CHST3: variants seen among roughly 807,000 people sequenced by gnomAD.
The protein encoded by CHST3 is carbohydrate sulfotransferase 3.
In CHST3, 20 loss-of-function variants were observed where a neutral mutation model predicts 35.4. That is an observed-to-expected ratio of 0.57 (90% confidence interval 0.40 to 0.82). CHST3 has a LOEUF of 0.82. Among genes scored for constraint, CHST3 ranks in the 40% least tolerant of loss-of-function variants. The pLI is 0.00. For missense variants in CHST3, 693 were observed against 670.1 expected (o/e 1.03, Z -0.38); for synonymous variants, 334 against 295.9 (o/e 1.13, Z -1.32).
In CHST3 at chr10:72,008,533, C is replaced by CGT; in HGVS notation, c.*62_*63insGT. ...GCCTGCCCCGTCTTTCTGCCGCAGCCCTCGCAGAGGGCGGGTGCACAGCGC... is the reference window on the plus strand; with the variant it reads ...GCCTGCCCCGTCTTTCTGCCGCAGCCGTCTCGCAGAGGGCGGGTGCACAGCGC... On this transcript the variant is annotated 3_prime_UTR_variant, in exon 3 of 3. Coordinates refer to ENST00000373115, the MANE Select transcript of CHST3 (RefSeq NM_004273.5). The CGT allele has an allele frequency of 1.4e-6, 2 of 1,454,526 alleles. No homozygotes were observed. The highest frequency in any genetic ancestry group is 1.8e-6 in the Non-Finnish European group (2 of 1,103,882). 90.1% of individuals were successfully genotyped at this position (1,454,526 alleles called of 1,614,324 possible).
At chr10:71,965,441 G>A (rs1369440339) in intron 1 of CHST3, among the ~76,000 whole-genome samples, 2 of 152,222 alleles carry the variant, frequency 1.3e-5, no homozygotes, top group African/African-American at 4.8e-5. Context: ...CCCCCCAGCG[G>A]ATGTGCTTCC....
chr10:71,988,142 C>A (rs1393112694), intron 1 of CHST3, among the ~76,000 whole-genome samples: 1 of 152,158 alleles, frequency 6.6e-6, no homozygotes, highest in Non-Finnish European at 1.5e-5. Flanking sequence ...CTCCAAACCC[C>A]ACAAATGAGC....
At position 72,008,281 on chromosome 10, in the gene CHST3, C is replaced by A; in HGVS notation, c.1250C>A (p.Thr417Lys). 6.3e-7 allele frequency: 1 copy of A among 1,585,730 alleles called. No individual in the cohort carries two copies. The highest frequency in any genetic ancestry group is 8.6e-7 in the Non-Finnish European group (1 of 1,166,586). ...AAHDGSGIYS[T>K]QKNSSEQFEK... ...CACGACGGCAGCGGCATCTACTCCACGCAGAAGAACTCCTCGGAGCAGTTC... is the reference window on the plus strand; with the variant it reads ...CACGACGGCAGCGGCATCTACTCCAAGCAGAAGAACTCCTCGGAGCAGTTC... The change falls in exon 3 of 3, where the codon ACG (threonine) becomes AAG (lysine). Residue 417 changes from threonine (T) to lysine (K), a missense_variant. Thr to Lys is a moderately conservative substitution (Grantham distance 78). Transcript: ENST00000373115.
At chr10:71,978,843 C>G (rs974815664) in intron 1 of CHST3, among the ~76,000 whole-genome samples, 1 of 152,222 alleles carries the variant, frequency 6.6e-6, no homozygotes, top group Non-Finnish European at 1.5e-5. Flanking sequence ...CTGCTCAGCA[C>G]AGCTCTGTGG....
intron 1 of CHST3, among the ~76,000 whole-genome samples, chr10:71,999,417 G>A (rs1401658788): frequency 6.6e-6 from 1 of 152,148 alleles, no homozygotes; most frequent in African/African-American, 2.4e-5. Flanking sequence ...ACTCTGCCTC[G>A]GAGCTACTCT....
chr10:71,971,258 C>T (rs940880705), intron 1 of CHST3, among the ~76,000 whole-genome samples: 9 of 152,124 alleles, frequency 5.9e-5, no homozygotes, highest in Non-Finnish European at 1.3e-4. Context: ...GGTTCTGGTT[C>T]CTGCTTTGTT....
chr10:71,982,148 G>T (rs1476038372), intron 1 of CHST3, among the ~76,000 whole-genome samples: 3 of 152,230 alleles, frequency 2.0e-5, no homozygotes, highest in African/African-American at 7.2e-5. Context: ...TAAGGATTTT[G>T]AGTTGAGAGA....
chr10:71,985,118 A>C (rs1412719603), intron 1 of CHST3, among the ~76,000 whole-genome samples: 1 of 152,218 alleles, frequency 6.6e-6, no homozygotes, highest in Non-Finnish European at 1.5e-5. Flanking sequence ...CCTCCCAGCC[A>C]GAGTGCCTGT....
At chr10:71,999,136 C>T (rs1459735207) in intron 1 of CHST3, among the ~76,000 whole-genome samples, 1 of 152,200 alleles carries the variant, frequency 6.6e-6, no homozygotes, top group East Asian at 1.9e-4. Flanking sequence ...TGGACAAGCT[C>T]TTCTCATCTA....
chr10:71,988,109 A>G (rs1564527531), intron 1 of CHST3, among the ~76,000 whole-genome samples: 1 of 152,202 alleles, frequency 6.6e-6, no homozygotes, highest in Non-Finnish European at 1.5e-5. Context: ...CAAAAGGTTG[A>G]TGATTGATAA....
In CHST3 at chr10:71,974,887, A is replaced by G. The variant is rs572451396; in HGVS notation, c.-108+10193A>G. Among the ~76,000 whole-genome samples, 8 of 151,928 alleles carry G rather than the reference A, an allele frequency of 5.3e-5. No individual in the cohort carries two copies. The East Asian group carries it at 5.8e-4, about 11-fold the overall frequency. ...TGCCTGGGTCCCCTGCCCCAGCCCT[A>G]CTCATACACACTGCTGAGGCAGAAG... On this transcript the variant is annotated intron_variant, in intron 1 of 2. Transcript: ENST00000373115.
chr10:71,993,060 T>G (rs1479119284), intron 1 of CHST3, among the ~76,000 whole-genome samples: 10 of 152,376 alleles, frequency 6.6e-5, no homozygotes, highest in Admixed American at 6.5e-4. Flanking sequence ...GTAAATTTTC[T>G]TAAAATATTA....
At chr10:71,981,140 G>T (rs554460159) in intron 1 of CHST3, among the ~76,000 whole-genome samples, 1 of 152,366 alleles carries the variant, frequency 6.6e-6, no homozygotes, top group East Asian at 1.9e-4. Flanking sequence ...GGGGAAGGCT[G>T]TCCCCGCTGG....
At chr10:71,970,634 CCAGCT>C (rs1839684709) in intron 1 of CHST3, among the ~76,000 whole-genome samples, 2 of 152,180 alleles carry the variant, frequency 1.3e-5, no homozygotes, top group Non-Finnish European at 2.9e-5. Flanking sequence ...GCCGGGGGTC[CCAGCT>C]CAGCCCTGCT....
intron 1 of CHST3, among the ~76,000 whole-genome samples, chr10:71,984,739 A>G (rs1019377922): frequency 5.3e-5 from 8 of 152,192 alleles, no homozygotes; most frequent in Non-Finnish European, 1.0e-4. Context: ...GTTCTTCCAA[A>G]GATTAAGTAC....
rs1840114294 is a variant in CHST3 at position 72,011,902 on chromosome 10, G to A, written c.*3431G>A. 6.6e-6 allele frequency: 1 copy of A among 152,150 alleles called. No individual in the cohort carries two copies. Among genetic ancestry groups the A allele is most frequent in the Non-Finnish European group, 1.5e-5 (1 of 68,034 alleles). The allele number at this position is 152,150 out of a possible 1,614,324, so 9.4% of individuals were successfully genotyped here. ...AGTTAGTGGAGGGCAGGATTCTCAG[G>A]TCCCCATAGAGAGGGAAAGAGAAGA... On this transcript the variant is annotated 3_prime_UTR_variant, in exon 3 of 3. Coordinates refer to ENST00000373115, the MANE Select transcript of CHST3 (RefSeq NM_004273.5).
intron 1 of CHST3, among the ~76,000 whole-genome samples, chr10:71,996,921 T>G (rs1839946514): frequency 6.6e-6 from 1 of 152,086 alleles, no homozygotes; most frequent in African/African-American, 2.4e-5. Flanking sequence ...GTTTTTTGTT[T>G]TGTTTTGTTT....
rs1446189031 is a variant in CHST3 at position 71,997,154 on chromosome 10, C to T, written c.-107-8582C>T. On this transcript the variant is annotated intron_variant, in intron 1 of 2. Coordinates refer to ENST00000373115, the MANE Select transcript of CHST3 (RefSeq NM_004273.5). ...TTGGGTAACCCTCCCCACTCTTCCACTGCAGAACCCCTTTCATCTTGCAGA... is the reference window on the plus strand; with the variant it reads ...TTGGGTAACCCTCCCCACTCTTCCATTGCAGAACCCCTTTCATCTTGCAGA... Among the ~76,000 whole-genome samples the T allele has an allele frequency of 2.0e-5, 3 of 152,208 alleles. No homozygotes were observed. In the East Asian group the frequency reaches 5.8e-4, roughly 29 times the overall value.
At chr10:71,991,554 G>T (rs984331494) in intron 1 of CHST3, among the ~76,000 whole-genome samples, 4 of 152,142 alleles carry the variant, frequency 2.6e-5, no homozygotes, top group Non-Finnish European at 4.4e-5. Flanking sequence ...GGTATTGCAG[G>T]TTCAGTTCCA....
Sources: allele counts gnomAD v4.1 joint callset (sites outside exome capture counted in the v4.1 genomes callset), GRCh38; gene constraint gnomAD v4.1.1; transcripts MANE v1.5; gene names NCBI Gene and HGNC (gene_info 2026-07-23, HGNC 2026-07-21).